Variants in TPST2 observed in about 807,000 individuals in gnomAD.
TPST2 encodes tyrosylprotein sulfotransferase 2.
Under a neutral mutation model 27.8 loss-of-function variants are expected in TPST2, and 16 were observed. That is an observed-to-expected ratio of 0.58 (90% CI 0.39 to 0.88). The LOEUF is 0.88. TPST2 is among the 40% of genes least tolerant of loss of function. The pLI, the probability that TPST2 is intolerant of heterozygous loss-of-function variation, is 0.00. For synonymous variants in TPST2, 229 were observed against 231.7 expected, an observed-to-expected ratio of 0.99 and a Z score of 0.10; for missense variants, 464 against 543.1, an observed-to-expected ratio of 0.85 and a Z score of 1.45.
At chr22:26,549,699 A>C (rs1338683679) in intron 1 of TPST2, among the ~76,000 whole-genome samples, 1 of 149,516 alleles carries the variant, frequency 6.7e-6, no homozygotes, top group African/African-American at 2.5e-5. Flanking sequence ...GAAAAAAAAA[A>C]TAATCAGATT....
At chr22:26,537,829 CA>C (rs1418782408) in intron 3 of TPST2, among the ~76,000 whole-genome samples, 1 of 152,170 alleles carries the variant, frequency 6.6e-6, no homozygotes, top group Admixed American at 6.5e-5. Flanking sequence ...CACACACACA[CA>C]AACGCGCGTC....
intron 1 of TPST2, among the ~76,000 whole-genome samples, chr22:26,559,107 C>T (rs543935045): frequency 5.0e-4 from 76 of 152,388 alleles, no homozygotes; most frequent in African/African-American, 1.8e-3. Flanking sequence ...TGGCCCACGC[C>T]TGTAATCCCA....
At chr22:26,569,205 T>C (rs144198534) in intron 1 of TPST2, among the ~76,000 whole-genome samples, 1 of 152,290 alleles carries the variant, frequency 6.6e-6, no homozygotes, top group East Asian at 1.9e-4. Context: ...GAACCCTCTC[T>C]TGGGGTCTGG....
At position 26,560,606 on chromosome 22, in the gene TPST2, TAAG is replaced by T. The variant is rs1037917660; in HGVS notation, c.-160-15934_-160-15932del. On this transcript the variant is annotated intron_variant, in intron 1 of 6. Transcript: ENST00000338754. ...TTGGGCAAACTTGTCGGGAGGCGCA[TAAG>T]AAGAAGCACCCAGATGCTTCAGTCA... is the stretch of plus-strand genomic sequence containing the variant. The T allele has an allele frequency of 1.7e-5, 21 of 1,229,720 alleles. No homozygotes were observed. In the African/African-American group the frequency reaches 2.1e-4, roughly 12 times the overall value. The allele number at this position is 1,229,720 out of a possible 1,614,324, so 76.2% of individuals were successfully genotyped here. A position where few individuals can be genotyped will look rare whatever the true frequency, so the allele number is the denominator to read the frequency against.
Position 26,557,734 on chromosome 22 carries a change from C to A in TPST2, c.-160-13059G>T, listed in dbSNP as rs531579579. 3.0e-3 allele frequency among the ~76,000 whole-genome samples: 315 copies of A among 104,956 alleles called. 3 individuals carry two copies. Among genetic ancestry groups the A allele is most frequent in the Non-Finnish European group, 3.5e-3 (161 of 46,396 alleles). The allele number at this position is 104,956 out of a possible 152,430, so 68.9% of individuals were successfully genotyped here. A position where few individuals can be genotyped will look rare whatever the true frequency, so the allele number is the denominator to read the frequency against. On this transcript the variant is annotated intron_variant, in intron 1 of 6. Coordinates refer to ENST00000338754, the MANE Select transcript of TPST2 (RefSeq NM_003595.5). ...AGGCCAAGTGATAGCTGCTGGGGGA[C>A]CCAGGGAGCCATCTCAAAGAAGAGA...
chr22:26,568,021 T>G (rs1160372373), intron 1 of TPST2, among the ~76,000 whole-genome samples: 2 of 152,230 alleles, frequency 1.3e-5, no homozygotes, highest in African/African-American at 4.8e-5. Context: ...AGCCTGAATG[T>G]GCACCTTCTC....
rs9613200 is a variant in TPST2 at position 26,540,549 on chromosome 22, G to A, written c.842+240C>T. ...GGAGGTGGCGGCTGTTACTCCAGCC[G>A]GGCAACAGACCGAGACACTGCCTCA... On this transcript the variant is annotated intron_variant, in intron 3 of 6. Transcript: ENST00000338754. 3.1e-3 allele frequency among the ~76,000 whole-genome samples: 479 copies of A among 152,270 alleles called. 3 individuals are homozygous for A. Among genetic ancestry groups the A allele is most frequent in the African/African-American group, 0.01 (423 of 41,562 alleles).
intron 1 of TPST2, among the ~76,000 whole-genome samples, chr22:26,571,013 T>C (rs544933799): frequency 6.6e-6 from 1 of 152,294 alleles, no homozygotes; most frequent in African/African-American, 2.4e-5. Context: ...ATCAGTTGAT[T>C]TTCAGCAAGC....
At chr22:26,578,764 T>C (rs1342199108) in intron 1 of TPST2, among the ~76,000 whole-genome samples, 1 of 152,218 alleles carries the variant, frequency 6.6e-6, no homozygotes, top group Non-Finnish European at 1.5e-5. Context: ...TCCAAGCTAT[T>C]TGCATGATCC....
intron 1 of TPST2, among the ~76,000 whole-genome samples, chr22:26,564,271 G>A (rs1293295685): frequency 6.6e-6 from 1 of 152,182 alleles, no homozygotes; most frequent in Non-Finnish European, 1.5e-5. Flanking sequence ...GTAGCTGCTT[G>A]GAGCAGGAAG....
intron 1 of TPST2, among the ~76,000 whole-genome samples, chr22:26,570,343 G>A (rs1045698527): frequency 4.7e-4 from 72 of 152,074 alleles, no homozygotes; most frequent in Admixed American, 4.2e-3. Flanking sequence ...CCCACACCCC[G>A]GCTCCTGGCA....
chr22:26,570,717 CCAGCATACCCCACCTGCAGCTGGTAGCAG>C (rs11271871), intron 1 of TPST2, among the ~76,000 whole-genome samples: 111,459 of 150,468 alleles, frequency 0.74, 41,609 homozygotes, highest in East Asian at 0.96. Context: ...GGTCCTTTCC[CCAGCATACCCCACCTGCAGCTGGTAGCAG>C]CAGCATACCC....
chr22:26,561,727 A>G (rs899309257), intron 1 of TPST2, among the ~76,000 whole-genome samples: 5 of 152,282 alleles, frequency 3.3e-5, no homozygotes, highest in African/African-American at 1.2e-4. Context: ...CTAGCATCTC[A>G]CGGAGAGTCC....
At chr22:26,528,105 A>C in intron 6 of TPST2, 109 bp downstream of exon 6, 1 of 1,311,768 alleles carries the variant, frequency 7.6e-7, no homozygotes, top group East Asian at 2.5e-5. Context: ...CCTAGTGGAC[A>C]TGTCTACCCC....
intron 1 of TPST2, among the ~76,000 whole-genome samples, chr22:26,574,789 A>C (rs1357710114): frequency 6.6e-6 from 1 of 152,016 alleles, no homozygotes; most frequent in Non-Finnish European, 1.5e-5. Context: ...CATGGGCTGC[A>C]CTGTGCCTAT....
chr22:26,573,084 T>A (rs1927694400), intron 1 of TPST2, among the ~76,000 whole-genome samples: 1 of 152,102 alleles, frequency 6.6e-6, no homozygotes, highest in African/African-American at 2.4e-5. Flanking sequence ...GGTTAAGTGT[T>A]TAATTAATGA....
At chr22:26,556,496 C>T (rs13053217) in intron 1 of TPST2, among the ~76,000 whole-genome samples, 131 of 152,260 alleles carry the variant, frequency 8.6e-4, no homozygotes, top group Non-Finnish European at 1.5e-3. Context: ...GCCGAGATCG[C>T]GTCATTGCAC....
At chr22:26,589,437 A>G (rs953838096) in intron 1 of TPST2, among the ~76,000 whole-genome samples, 3 of 151,856 alleles carry the variant, frequency 2.0e-5, no homozygotes, top group African/African-American at 7.3e-5. Flanking sequence ...CACACCGAGA[A>G]GCGGAGTTTA....
intron 1 of TPST2, among the ~76,000 whole-genome samples, chr22:26,574,893 C>T (rs1927770714): frequency 6.6e-6 from 1 of 152,210 alleles, no homozygotes; most frequent in African/African-American, 2.4e-5. Context: ...TTCCTACCCA[C>T]TCTTGGAGGG....
Sources: gnomAD v4.1 joint callset for allele counts (sites outside exome capture counted in the v4.1 genomes callset) on GRCh38, gnomAD v4.1.1 for gene constraint, MANE v1.5 for transcripts, NCBI Gene and HGNC (gene_info 2026-07-23, HGNC 2026-07-21) for gene names.